The following ZNF236 variants were observed in gnomAD, a reference collection of about 807,000 sequenced individuals.
The protein encoded by ZNF236 is zinc finger protein 236.
Under a neutral mutation model 191.2 loss-of-function variants are expected in ZNF236, and 50 were observed. The observed-to-expected ratio is 0.26, with a 90% CI of 0.21 to 0.33. ZNF236 has a LOEUF of 0.33. ZNF236 is among the 10% of genes least tolerant of loss of function. The pLI is 1.00. For missense variants in ZNF236, 1,754 were observed against 2,374.5 expected (o/e 0.74, Z 5.43); for synonymous variants, 907 against 928.8 (o/e 0.98, Z 0.43).
intron 19 of ZNF236, among the ~76,000 whole-genome samples, chr18:76,917,721 G>A (rs1397822200): frequency 6.6e-6 from 1 of 152,070 alleles, no homozygotes; most frequent in African/African-American, 2.4e-5. Context: ...TATACTGATT[G>A]TGTTCTCAGT....
rs771831855 is a variant in ZNF236, at chr18:76,899,154, G to A, written c.1826G>A (p.Arg609His). ...CACCAGCGTAAACCTGCAAAGGTCCGTGTTGGCAAGACGAATATTCCAGTC... is the reference window on the plus strand; with the variant it reads ...CACCAGCGTAAACCTGCAAAGGTCCATGTTGGCAAGACGAATATTCCAGTC... Reference protein sequence around the residue: ...MRHQRKPAKVRVGKTNIPVPD... With the variant: ...MRHQRKPAKVHVGKTNIPVPD... Residue 609 changes from arginine (R) to histidine (H), a missense_variant, in exon 11 of 31, where the codon CGT (arginine) becomes CAT (histidine). Transcript: ENST00000320610. 1.9e-6 allele frequency: 3 copies of A among 1,614,028 alleles called. No homozygotes were observed. The highest frequency in any genetic ancestry group is 1.7e-5 in the Admixed American group (1 of 60,006).
In ZNF236 at chr18:76,970,967, A is replaced by G. The variant is rs1015381526; in HGVS notation, c.*2628A>G. Reference sequence around the variant, plus strand: ...CACAGTGCCCTGTGCATGTGTCAGAACTGTTCCTGTTCCCTTTCATTTGCT... The same window carrying G: ...CACAGTGCCCTGTGCATGTGTCAGAGCTGTTCCTGTTCCCTTTCATTTGCT... On this transcript the variant is annotated 3_prime_UTR_variant, in exon 31 of 31. Coordinates refer to ENST00000320610, the MANE Select transcript of ZNF236 (RefSeq NM_001306089.2). Among the ~76,000 whole-genome samples the G allele has an allele frequency of 4.6e-5, 7 of 152,272 alleles. No individual in the cohort carries two copies. The highest frequency in any genetic ancestry group is 1.2e-4 in the African/African-American group (5 of 41,480).
At chr18:76,876,238 A>T (rs1976711114) in intron 6 of ZNF236, among the ~76,000 whole-genome samples, 1 of 151,674 alleles carries the variant, frequency 6.6e-6, no homozygotes, top group Non-Finnish European at 1.5e-5. Context: ...AAAGCAGGTC[A>T]ACCTTTGCTC....
chr18:76,913,944 A>T, intron 18 of ZNF236, 46 bp downstream of exon 18: 1 of 1,603,402 alleles, frequency 6.2e-7, no homozygotes, highest in Non-Finnish European at 8.5e-7. Flanking sequence ...TAAAGAAAAA[A>T]GCTTTATTGA....
At chr18:76,882,538 C>G (rs1976928286) in intron 9 of ZNF236, among the ~76,000 whole-genome samples, 1 of 152,188 alleles carries the variant, frequency 6.6e-6, no homozygotes, top group Admixed American at 6.5e-5. Flanking sequence ...GTGTTTTTGG[C>G]AAAACTGTTC....
intron 25 of ZNF236, chr18:76,936,516 G>T: frequency 2.4e-6 from 1 of 425,450 alleles, no homozygotes; most frequent in Non-Finnish European, 4.7e-6. Context: ...CAGTTTTGTT[G>T]TCTTTTCTGA....
At chr18:76,962,432 C>G (rs1316442445) in intron 30 of ZNF236, among the ~76,000 whole-genome samples, 1 of 152,100 alleles carries the variant, frequency 6.6e-6, no homozygotes, top group African/African-American at 2.4e-5. Context: ...ATTTTTATAC[C>G]AGTACCATGC....
intron 26 of ZNF236, among the ~76,000 whole-genome samples, chr18:76,940,105 C>T (rs80084482): frequency 2.1e-5 from 3 of 142,166 alleles, no homozygotes; most frequent in South Asian, 4.7e-4. Flanking sequence ...CCTAGCACTG[C>T]ATTTGGGAAC....
At chr18:76,936,011 C>T (rs1967986008) in intron 25 of ZNF236, 1 of 457,052 alleles carries the variant, frequency 2.2e-6, no homozygotes, top group Non-Finnish European at 4.4e-6. Flanking sequence ...GTGTGGGACC[C>T]CAGGAGTGTG....
intron 20 of ZNF236, among the ~76,000 whole-genome samples, chr18:76,922,069 A>G (rs1442939875): frequency 1.3e-5 from 2 of 152,146 alleles, no homozygotes; most frequent in East Asian, 3.8e-4. Flanking sequence ...TTACATATCA[A>G]TGAGTCATAG....
intron 1 of ZNF236, among the ~76,000 whole-genome samples, chr18:76,837,743 G>C (rs1030872119): frequency 8.5e-5 from 13 of 152,102 alleles, no homozygotes; most frequent in Non-Finnish European, 1.0e-4. Context: ...GCCTGGCTTT[G>C]AATTCAGTTT....
chr18:76,914,340 G>C (rs1967299201), intron 18 of ZNF236, among the ~76,000 whole-genome samples: 1 of 152,204 alleles, frequency 6.6e-6, no homozygotes, highest in Non-Finnish European at 1.5e-5. Flanking sequence ...GGACATTGGA[G>C]TTATTTCCAT....
At position 76,912,404 on chromosome 18, in the gene ZNF236, C is replaced by T. The variant is rs577978799; in HGVS notation, c.2909+57C>T. 4.0e-5 allele frequency: 54 copies of T among 1,336,966 alleles called. No homozygotes were observed. In the South Asian group the frequency reaches 6.1e-4, roughly 15 times the overall value. The allele number at this position is 1,336,966 out of a possible 1,614,324, so 82.8% of individuals were successfully genotyped here. A position where few individuals can be genotyped will look rare whatever the true frequency, so the allele number is the denominator to read the frequency against. ...TGCCGGCTCCCAGGAACGGATGCTG[C>T]TGTGTGTTTGCCCCGCTCCAAGGGC... On this transcript the variant is annotated intron_variant, in intron 17 of 30. Transcript: ENST00000320610.
intron 30 of ZNF236, among the ~76,000 whole-genome samples, chr18:76,967,407 T>C (rs1599434130): frequency 1.5e-5 from 2 of 136,780 alleles, no homozygotes; most frequent in South Asian, 2.4e-4. Flanking sequence ...TTGTTGGAGG[T>C]GGTGTGATCT....
chr18:76,836,869 G>A lies in ZNF236; in HGVS notation c.56-12657G>A, dbSNP rs548198133. On this transcript the variant is annotated intron_variant, in intron 1 of 30. Transcript: ENST00000320610. ...GGGGATTACAGGCGTGAGCCACCGCGCCCGGCCTATTTATTTGTTTTTTTG... is the reference window on the plus strand; with the variant it reads ...GGGGATTACAGGCGTGAGCCACCGCACCCGGCCTATTTATTTGTTTTTTTG... Among the ~76,000 whole-genome samples the A allele has an allele frequency of 3.1e-4, 47 of 151,626 alleles. 1 individual carries two copies. The highest frequency in any genetic ancestry group is 3.4e-3 in the Middle Eastern group (1 of 292).
intron 10 of ZNF236, among the ~76,000 whole-genome samples, chr18:76,896,500 A>G (rs1459647850): frequency 6.6e-6 from 1 of 151,914 alleles, no homozygotes; most frequent in Non-Finnish European, 1.5e-5. Flanking sequence ...TCAGTGCTGT[A>G]CCCACACAGG....
At chr18:76,881,581 C>A in intron 9 of ZNF236, 69 bp downstream of exon 9, 1 of 1,349,108 alleles carries the variant, frequency 7.4e-7, no homozygotes, top group Non-Finnish European at 1.0e-6. Context: ...GAAATGTGCC[C>A]TTCTTTTTTC....
chr18:76,865,065 G>A (rs957818172), intron 3 of ZNF236, among the ~76,000 whole-genome samples: 3 of 152,164 alleles, frequency 2.0e-5, no homozygotes, highest in African/African-American at 4.8e-5. Context: ...GGCTGGGCAC[G>A]GTGGCTCACG....
chr18:76,939,906 G>A (rs1465803083), intron 26 of ZNF236, among the ~76,000 whole-genome samples: 1 of 146,618 alleles, frequency 6.8e-6, no homozygotes, highest in Non-Finnish European at 1.5e-5. Context: ...CCCTAGCACT[G>A]CATTTGGGAA....
Sources: allele counts gnomAD v4.1 joint callset (sites outside exome capture counted in the v4.1 genomes callset), GRCh38; gene constraint gnomAD v4.1.1; transcripts MANE v1.5; gene names NCBI Gene and HGNC (gene_info 2026-07-23, HGNC 2026-07-21).